PHF20: variants seen among roughly 807,000 people sequenced by gnomAD.
PHF20 encodes glioma-expressed antigen 2.
PHF20 carries 23 observed loss-of-function variants against 113.5 expected under a neutral mutation model. The ratio of observed to expected loss-of-function variants is 0.20; its 90% CI spans 0.15 to 0.29. The LOEUF is 0.29. Ranked by LOEUF, PHF20 falls within the 10% of genes least tolerant of loss-of-function variation. PHF20 has a pLI of 1.00. For missense variants in PHF20, 943 were observed against 1,219.6 expected, an observed-to-expected ratio of 0.77 and a Z score of 3.38; for synonymous variants, 434 against 457.3, an observed-to-expected ratio of 0.95 and a Z score of 0.65.
chr20:35,907,131 C>G (rs948822072), intron 10 of PHF20, among the ~76,000 whole-genome samples: 1 of 152,198 alleles, frequency 6.6e-6, no homozygotes, highest in African/African-American at 2.4e-5. Flanking sequence ...CTGTGGTGTA[C>G]AAGCAGTTAC....
At chr20:35,794,741 C>T (rs569090746) in intron 1 of PHF20, among the ~76,000 whole-genome samples, 1 of 152,202 alleles carries the variant, frequency 6.6e-6, no homozygotes, top group South Asian at 2.1e-4. Flanking sequence ...TGTTCCATAC[C>T]CATCTATCAC....
At chr20:35,794,100 A>AG (rs2041619059) in intron 1 of PHF20, among the ~76,000 whole-genome samples, 1 of 151,196 alleles carries the variant, frequency 6.6e-6, no homozygotes, top group Non-Finnish European at 1.5e-5. Flanking sequence ...CAGGAGTTCG[A>AG]GACCAGCCTG....
At chr20:35,810,032 C>T (rs181008411) in intron 2 of PHF20, among the ~76,000 whole-genome samples, 66 of 152,154 alleles carry the variant, frequency 4.3e-4, no homozygotes, top group Non-Finnish European at 7.9e-4. Flanking sequence ...TGAGTTCAAG[C>T]GATTCTTCTG....
intron 2 of PHF20, among the ~76,000 whole-genome samples, chr20:35,804,229 G>GTTTTTTT (rs1216930263): frequency 2.0e-5 from 2 of 99,584 alleles, no homozygotes; most frequent in Non-Finnish European, 3.9e-5. Flanking sequence ...GCTACTGTAT[G>GTTTTTTT]TTTTTTTTTT....
chr20:35,812,102 A>G (rs1328744875), intron 2 of PHF20, among the ~76,000 whole-genome samples: 1 of 152,152 alleles, frequency 6.6e-6, no homozygotes, highest in Non-Finnish European at 1.5e-5. Context: ...ATTTTCTAAC[A>G]TAATGAAAAG....
intron 1 of PHF20, among the ~76,000 whole-genome samples, chr20:35,789,436 A>C (rs549344365): frequency 3.9e-5 from 6 of 151,950 alleles, no homozygotes; most frequent in South Asian, 2.1e-4. Flanking sequence ...ATCAAAAAAA[A>C]AAAAAAAACA....
rs375661552 is a variant in PHF20 at position 35,804,160 on chromosome 20, C to T, written c.83+2555C>T. ...CACAATCTTGGCTCATTGCAACATC[C>T]GCCTCCTGGGTTCAAGCAGTTCAGC... On this transcript the variant is annotated intron_variant, in intron 2 of 17. Transcript: ENST00000374012. Among the ~76,000 whole-genome samples the T allele has an allele frequency of 2.1e-4, 31 of 151,164 alleles. No individual in the cohort carries two copies. In the East Asian group the frequency reaches 2.1e-3, roughly 10 times the overall value.
intron 9 of PHF20, chr20:35,878,646 T>C (rs2054573290): frequency 2.5e-6 from 2 of 787,248 alleles, no homozygotes; most frequent in South Asian, 2.7e-5. Flanking sequence ...CTGATCCACA[T>C]GGGTGTGGCA....
chr20:35,883,977 C>T (rs1194787017), intron 9 of PHF20, among the ~76,000 whole-genome samples: 1 of 152,154 alleles, frequency 6.6e-6, no homozygotes, highest in African/African-American at 2.4e-5. Flanking sequence ...GATGTCAGTA[C>T]TCCAGGACTG....
At chr20:35,877,580 CTTT>C (rs1188827033) in intron 9 of PHF20, among the ~76,000 whole-genome samples, 2 of 140,874 alleles carry the variant, frequency 1.4e-5, no homozygotes. Context: ...CTCCCACTTT[CTTT>C]TTTTTTTTTT....
chr20:35,896,799 C>CAAAAA (rs34377497), intron 9 of PHF20, among the ~76,000 whole-genome samples: 1 of 62,470 alleles, frequency 1.6e-5, no homozygotes, highest in African/African-American at 5.9e-5. Context: ...GACTCCGTCT[C>CAAAAA]AAAAAAAAAA....
intron 2 of PHF20, among the ~76,000 whole-genome samples, chr20:35,830,786 T>A (rs933773294): frequency 2.0e-5 from 3 of 152,022 alleles, no homozygotes; most frequent in African/African-American, 7.2e-5. Flanking sequence ...GTTTGTTGCA[T>A]AGGTAAACTT....
intron 2 of PHF20, chr20:35,838,434 T>TA (rs2042479927): frequency 6.6e-6 from 1 of 152,132 alleles, no homozygotes; most frequent in South Asian, 2.1e-4. Context: ...CCCACGCATT[T>TA]AAAAACAGGT....
intron 12 of PHF20, among the ~76,000 whole-genome samples, chr20:35,915,333 TATAA>T (rs1485125450): frequency 6.6e-6 from 1 of 150,532 alleles, no homozygotes; most frequent in Non-Finnish European, 1.5e-5. Context: ...GGTTTATATA[TATAA>T]TTTATATTTT....
intron 10 of PHF20, among the ~76,000 whole-genome samples, chr20:35,910,458 G>C (rs2055277795): frequency 6.6e-6 from 1 of 152,112 alleles, no homozygotes; most frequent in Non-Finnish European, 1.5e-5. Context: ...TAATTGGTGA[G>C]ATTTGACATA....
intron 9 of PHF20, 103 bp from the exon 10 acceptor site, chr20:35,899,267 T>G: frequency 2.1e-6 from 2 of 935,276 alleles, no homozygotes; most frequent in Non-Finnish European, 3.2e-6. Context: ...CAGGCTACAT[T>G]TGCACGCTAG....
At chr20:35,854,711 A>G (rs1224321735) in intron 4 of PHF20, among the ~76,000 whole-genome samples, 1 of 152,176 alleles carries the variant, frequency 6.6e-6, no homozygotes, top group East Asian at 1.9e-4. Context: ...AGTTTGGGTC[A>G]TTTCAGCACT....
chr20:35,815,165 C>A (rs1568602247), intron 2 of PHF20, among the ~76,000 whole-genome samples: 1 of 151,950 alleles, frequency 6.6e-6, no homozygotes, highest in South Asian at 2.1e-4. Flanking sequence ...ACACTGGACT[C>A]CATCCTGGGT....
chr20:35,794,175 C>G (rs2146853011), intron 1 of PHF20, among the ~76,000 whole-genome samples: 1 of 151,736 alleles, frequency 6.6e-6, no homozygotes, highest in East Asian at 1.9e-4. Context: ...GTGGCACATA[C>G]CTGTAATCCT....
Sources: gnomAD v4.1 joint callset for allele counts (sites outside exome capture counted in the v4.1 genomes callset) on GRCh38, gnomAD v4.1.1 for gene constraint, MANE v1.5 for transcripts, NCBI Gene and HGNC (gene_info 2026-07-23, HGNC 2026-07-21) for gene names.